NTRK3: variants seen among roughly 807,000 people sequenced by gnomAD.
NTRK3 encodes NT-3 growth factor receptor.
In NTRK3, 24 loss-of-function variants were observed where a neutral mutation model predicts 91.7. The ratio of observed to expected loss-of-function variants is 0.26; its 90% CI spans 0.19 to 0.37. NTRK3 has a LOEUF of 0.37. NTRK3 is among the 10% of genes least tolerant of loss of function. The pLI is 1.00. For synonymous variants in NTRK3, 483 were observed against 404.0 expected (o/e 1.20, Z -2.34); for missense variants, 880 against 1,068.9 (o/e 0.82, Z 2.46).
At chr15:88,085,521 G>C (rs765683357) in intron 13 of NTRK3, among the ~76,000 whole-genome samples, 1 of 152,140 alleles carries the variant, frequency 6.6e-6, no homozygotes, top group South Asian at 2.1e-4. Context: ...GCACCTTACC[G>C]ACTGCCTGGA....
At chr15:88,187,937 A>C (rs2047075931) in intron 3 of NTRK3, among the ~76,000 whole-genome samples, 1 of 151,858 alleles carries the variant, frequency 6.6e-6, no homozygotes, top group Admixed American at 6.6e-5. Context: ...CTGTCTCAAA[A>C]AAAAAAAAAA....
At chr15:87,896,678 T>C (rs1029737875) in intron 17 of NTRK3, among the ~76,000 whole-genome samples, 1 of 152,122 alleles carries the variant, frequency 6.6e-6, no homozygotes, top group Admixed American at 6.5e-5. Context: ...GGATATCCTT[T>C]TGATTTCTGA....
chr15:88,002,985 A>C (rs2141651440), intron 14 of NTRK3, among the ~76,000 whole-genome samples: 2 of 152,326 alleles, frequency 1.3e-5, no homozygotes, highest in South Asian at 4.1e-4. Flanking sequence ...GATCAGAGAG[A>C]AGACTTTAAA....
At chr15:87,937,889 C>A (rs139946173) in intron 15 of NTRK3, among the ~76,000 whole-genome samples, 61 of 151,102 alleles carry the variant, frequency 4.0e-4, no homozygotes, top group African/African-American at 1.4e-3. Flanking sequence ...AGCTTTAGAC[C>A]AGATAAAACC....
At chr15:87,944,439 T>C (rs1486439157) in intron 14 of NTRK3, among the ~76,000 whole-genome samples, 1 of 152,230 alleles carries the variant, frequency 6.6e-6, no homozygotes, top group East Asian at 1.9e-4. Context: ...CTCATCATAA[T>C]CCTGAGAGAC....
intron 14 of NTRK3, among the ~76,000 whole-genome samples, chr15:88,029,119 C>A (rs1232523118): frequency 2.0e-5 from 3 of 152,232 alleles, no homozygotes; most frequent in Admixed American, 2.0e-4. Flanking sequence ...TTTCCTGATG[C>A]TCTCAAGAAC....
intron 13 of NTRK3, among the ~76,000 whole-genome samples, chr15:88,110,569 G>A (rs1282671040): frequency 6.6e-6 from 1 of 152,220 alleles, no homozygotes; most frequent in African/African-American, 2.4e-5. Context: ...TATGCCTTAA[G>A]TGGTCTGCTG....
At chr15:88,214,518 C>T (rs540492739) in intron 3 of NTRK3, among the ~76,000 whole-genome samples, 1 of 152,204 alleles carries the variant, frequency 6.6e-6, no homozygotes, top group South Asian at 2.1e-4. Context: ...ACCCTATTTC[C>T]AACACAGCCA....
At chr15:88,063,476 G>A (rs1597085002) in intron 13 of NTRK3, among the ~76,000 whole-genome samples, 2 of 152,324 alleles carry the variant, frequency 1.3e-5, no homozygotes, top group Admixed American at 1.3e-4. Context: ...GGCCTTTGTG[G>A]ACAACCCGTG....
intron 14 of NTRK3, among the ~76,000 whole-genome samples, chr15:88,012,174 G>C (rs2076925737): frequency 6.6e-6 from 1 of 152,106 alleles, no homozygotes; most frequent in Non-Finnish European, 1.5e-5. Context: ...CTGCCATCCT[G>C]CCATCTCTAC....
intron 6 of NTRK3, among the ~76,000 whole-genome samples, 157 bp from the exon 7 acceptor site, chr15:88,137,718 C>A (rs914526222): frequency 1.3e-5 from 2 of 152,138 alleles, no homozygotes; most frequent in Non-Finnish European, 2.9e-5. Flanking sequence ...CCTTGTAAGT[C>A]CATAAATTGC....
chr15:88,183,411 T>A lies in NTRK3; in HGVS notation c.395+7A>T. ...GCCCCCAATCCCTGCAGCCCAGCTC[T>A]ACTCACATATAACGCAAATGGGGGT... On this transcript the variant is annotated splice_region_variant and intron_variant, in intron 5 of 18. Transcript: ENST00000394480. The A allele has an allele frequency of 1.2e-6, 2 of 1,613,948 alleles. No individual in the cohort carries two copies. The highest frequency in any genetic ancestry group is 1.7e-6 in the Non-Finnish European group (2 of 1,179,856).
At position 88,255,577 on chromosome 15, in the gene NTRK3, CA is replaced by C. The variant is rs142609804; in HGVS notation, c.248+328del. The stretch of plus-strand genomic sequence containing the variant: ...CAAACTGTTGCTATTTAGTGGGGAG[CA>C]AAAAAAAACAATTTGCACCATCGAA... On this transcript the variant is annotated intron_variant, in intron 3 of 18. Transcript: ENST00000394480. The surrounding 1 kb of genome is among the most constrained non-coding windows in gnomAD (Gnocchi z 4.3). Among the ~76,000 whole-genome samples, 2 of 150,032 alleles carry C rather than the reference CA, an allele frequency of 1.3e-5. No individual in the cohort carries two copies. The highest frequency in any genetic ancestry group is 2.1e-4 in the South Asian group (1 of 4,718).
intron 13 of NTRK3, among the ~76,000 whole-genome samples, chr15:88,081,568 C>T (rs968448023): frequency 2.6e-5 from 4 of 152,258 alleles, no homozygotes; most frequent in African/African-American, 7.2e-5. Context: ...GACACTCCAT[C>T]CTCTGTGTGC....
chr15:87,861,886 T>G (rs995419514), exon 19 of NTRK3: 3 of 213,604 alleles, frequency 1.4e-5, no homozygotes, highest in Middle Eastern at 1.5e-3. Context: ...ATCTCTAGTC[T>G]CAGGCCACAT....
chr15:88,038,955 C>T (rs187276726), intron 13 of NTRK3, among the ~76,000 whole-genome samples: 35 of 152,256 alleles, frequency 2.3e-4, no homozygotes, highest in African/African-American at 8.2e-4. Context: ...ATTGTTCTCA[C>T]CTTAATAACC....
exon 4 of NTRK3, chr15:88,184,254 G>A: frequency 1.2e-6 from 2 of 1,614,084 alleles, no homozygotes; most frequent in South Asian, 1.1e-5. Flanking sequence ...AGAGCTCCAT[G>A]TCCACGGCGT....
intron 14 of NTRK3, among the ~76,000 whole-genome samples, chr15:87,979,897 C>G (rs2074064625): frequency 6.6e-6 from 1 of 152,096 alleles, no homozygotes; most frequent in Admixed American, 6.5e-5. Context: ...TTTCCCAGAA[C>G]TGACACTCTT....
chr15:87,959,416 C>T (rs1358384230), intron 14 of NTRK3, among the ~76,000 whole-genome samples: 2 of 152,224 alleles, frequency 1.3e-5, no homozygotes, highest in East Asian at 3.9e-4. Flanking sequence ...AAACATCAAG[C>T]GAGAGCTGGA....
Sources: allele counts gnomAD v4.1 joint callset (sites outside exome capture counted in the v4.1 genomes callset), GRCh38; gene constraint gnomAD v4.1.1; non-coding constraint Gnocchi (gnomAD v3.1); transcripts MANE v1.5; gene names NCBI Gene and HGNC (gene_info 2026-07-23, HGNC 2026-07-21).